Variants in USP6NL observed in about 807,000 individuals in gnomAD.
The protein encoded by USP6NL is USP6 N-terminal-like protein.
USP6NL carries 26 observed loss-of-function variants against 61.9 expected under a neutral mutation model. That is an observed-to-expected ratio of 0.42 (90% CI 0.31 to 0.58). The LOEUF (loss-of-function observed/expected upper bound fraction) is 0.58. Ranked by LOEUF, USP6NL falls within the 20% of genes least tolerant of loss-of-function variation. The pLI is 0.16. For synonymous variants in USP6NL, 432 were observed against 390.1 expected (o/e 1.11, Z -1.27); for missense variants, 1,114 against 1,034.3 (o/e 1.08, Z -1.06).
intron 6 of USP6NL, among the ~76,000 whole-genome samples, chr10:11,507,271 T>C (rs2133333468): frequency 6.6e-6 from 1 of 152,360 alleles, no homozygotes; most frequent in Admixed American, 6.5e-5. Context: ...CATTGAAATC[T>C]ACCCTGTAAT....
At position 11,490,939 on chromosome 10, in the gene USP6NL, C is replaced by A. The variant is rs781132953; in HGVS notation, c.495-59G>T. ...GTAATTTCACATATTTTAAAAATTA[C>A]AAACTTAAAAAAATAAACCAAAGAC... On this transcript the variant is annotated intron_variant, in intron 8 of 14. Coordinates refer to ENST00000609104, the MANE Select transcript of USP6NL (RefSeq NM_014688.5). This position sits in a 1 kb window ranked among gnomAD's most constrained non-coding sequence, Gnocchi z 4.5. 2 of 1,421,522 alleles carry A rather than the reference C, an allele frequency of 1.4e-6. No individual in the cohort carries two copies. The highest frequency in any genetic ancestry group is 1.9e-6 in the Non-Finnish European group (2 of 1,058,950). 88.1% of individuals were successfully genotyped at this position (1,421,522 alleles called of 1,614,324 possible).
chr10:11,538,688 T>C (rs531185952), intron 2 of USP6NL, among the ~76,000 whole-genome samples: 2 of 152,334 alleles, frequency 1.3e-5, no homozygotes, highest in Admixed American at 6.5e-5. Context: ...AGCTTTCTCT[T>C]ATATATTTAT....
chr10:11,605,599 C>T (rs1035728216), intron 1 of USP6NL, among the ~76,000 whole-genome samples: 2 of 152,092 alleles, frequency 1.3e-5, no homozygotes, highest in South Asian at 2.1e-4. Context: ...ACTGCATCCA[C>T]AGAAATATAT....
In USP6NL at chr10:11,476,921, A is replaced by C. The variant is rs1832989227; in HGVS notation, c.1078+4849T>G. Among the ~76,000 whole-genome samples the C allele has an allele frequency of 6.6e-6, 1 of 152,126 alleles. No individual in the cohort carries two copies. Among genetic ancestry groups the C allele is most frequent in the Non-Finnish European group, 1.5e-5 (1 of 68,006 alleles). On this transcript the variant is annotated intron_variant, in intron 14 of 14. Coordinates refer to ENST00000609104, the MANE Select transcript of USP6NL (RefSeq NM_014688.5). The surrounding 1 kb of genome is among the most constrained non-coding windows in gnomAD (Gnocchi z 4.3). ...GAGTCTTGCTCTGTCACCCAGGCTGAAGTGCAGTGGTGCGATCTTGACTCA... is the reference window on the plus strand; with the variant it reads ...GAGTCTTGCTCTGTCACCCAGGCTGCAGTGCAGTGGTGCGATCTTGACTCA...
Position 11,482,785 on chromosome 10 carries a change from A to G in USP6NL, c.926-863T>C, listed in dbSNP as rs1566123602. On this transcript the variant is annotated intron_variant, in intron 13 of 14. Coordinates refer to ENST00000609104, the MANE Select transcript of USP6NL (RefSeq NM_014688.5). This position sits in a 1 kb window ranked among gnomAD's most constrained non-coding sequence, Gnocchi z 4.0. ...TATTTTTAAGACAATCAGTAAGAAA[A>G]AAAAGAAAAAGGAAAAAATTTCTTA... Among the ~76,000 whole-genome samples the G allele has an allele frequency of 6.6e-6, 1 of 152,218 alleles. No individual in the cohort carries two copies. Among genetic ancestry groups the G allele is most frequent in the Non-Finnish European group, 1.5e-5 (1 of 68,034 alleles).
At chr10:11,607,107 C>T (rs1234730547) in intron 1 of USP6NL, among the ~76,000 whole-genome samples, 1 of 152,038 alleles carries the variant, frequency 6.6e-6, no homozygotes, top group Non-Finnish European at 1.5e-5. Flanking sequence ...TTTTTAAGCA[C>T]TACTGCAATC....
intron 5 of USP6NL, among the ~76,000 whole-genome samples, chr10:11,516,321 C>G (rs1421136598): frequency 6.6e-6 from 1 of 152,216 alleles, no homozygotes; most frequent in East Asian, 1.9e-4. Flanking sequence ...GAAATAAGAG[C>G]ATGCTTCAAG....
Position 11,485,091 on chromosome 10 carries a change from A to T in USP6NL, c.826-21T>A. 1 of 1,536,972 alleles carries T rather than the reference A, an allele frequency of 6.5e-7. No homozygotes were observed. Among genetic ancestry groups the T allele is most frequent in the South Asian group, 1.3e-5 (1 of 79,960 alleles). On this transcript the variant is annotated intron_variant, in intron 12 of 14. Coordinates refer to ENST00000609104, the MANE Select transcript of USP6NL (RefSeq NM_014688.5). This position sits in a 1 kb window ranked among gnomAD's most constrained non-coding sequence, Gnocchi z 4.8. The stretch of plus-strand genomic sequence containing the variant: ...GGAGTCTACAATTAAAAGCAAAACA[A>T]AACAAAAATAGGGTTAACAGCTTCC...
In USP6NL at chr10:11,462,433, G is replaced by A. The variant is rs764081449; in HGVS notation, c.*8C>T. On this transcript the variant is annotated 3_prime_UTR_variant, in exon 15 of 15. Coordinates refer to ENST00000609104, the MANE Select transcript of USP6NL (RefSeq NM_014688.5). ...TCTCTCTCGTCTTTAGCAAGTACAC[G>A]TCAAATCTCACAGCAACACTGACTC... 5 of 1,610,478 alleles carry A rather than the reference G, an allele frequency of 3.1e-6. No homozygotes were observed. The highest frequency in any genetic ancestry group is 4.5e-5 in the East Asian group (2 of 44,862).
chr10:11,572,914 A>G (rs151059390), intron 2 of USP6NL, among the ~76,000 whole-genome samples: 2 of 152,206 alleles, frequency 1.3e-5, no homozygotes, highest in African/African-American at 2.4e-5. Context: ...AGTAAAATAT[A>G]TAAGTATATC....
chr10:11,579,297 C>CA (rs1837660278), intron 2 of USP6NL, among the ~76,000 whole-genome samples: 1 of 152,144 alleles, frequency 6.6e-6, no homozygotes, highest in South Asian at 2.1e-4. Context: ...TCTTTCAAAC[C>CA]ACAAATTGAT....
intron 7 of USP6NL, among the ~76,000 whole-genome samples, chr10:11,498,389 A>G (rs1834037260): frequency 6.6e-6 from 1 of 151,292 alleles, no homozygotes; most frequent in South Asian, 2.1e-4. Context: ...GCAAGAGAGA[A>G]AAATAAAAAT....
At chr10:11,550,948 A>C (rs1218734227) in intron 2 of USP6NL, among the ~76,000 whole-genome samples, 3 of 152,142 alleles carry the variant, frequency 2.0e-5, no homozygotes, top group Non-Finnish European at 1.5e-5. Context: ...CTGAGGTACC[A>C]CTATGGTCAA....
intron 2 of USP6NL, among the ~76,000 whole-genome samples, chr10:11,569,667 G>C (rs1360837606): frequency 6.6e-6 from 1 of 152,184 alleles, no homozygotes; most frequent in Non-Finnish European, 1.5e-5. Flanking sequence ...CATCCAGATG[G>C]AGCAGCACAT....
intron 6 of USP6NL, among the ~76,000 whole-genome samples, chr10:11,509,174 G>C (rs561998766): frequency 9.3e-4 from 141 of 152,304 alleles, no homozygotes; most frequent in Non-Finnish European, 1.4e-3. Context: ...TGCTTTCAGA[G>C]GCCAGCCCTC....
At position 11,585,907 on chromosome 10, in the gene USP6NL, T is replaced by A. The variant is rs1003786348; in HGVS notation, c.4+11724A>T. On this transcript the variant is annotated intron_variant, in intron 2 of 14. Coordinates refer to ENST00000609104, the MANE Select transcript of USP6NL (RefSeq NM_014688.5). This position sits in a 1 kb window ranked among gnomAD's most constrained non-coding sequence, Gnocchi z 4.5. ...AATGATTCCACTTACATGAGGTACC[T>A]AGAGGTCAGAGGCCGGGAAGAGGAA... 2.6e-5 allele frequency among the ~76,000 whole-genome samples: 4 copies of A among 152,150 alleles called. No individual in the cohort carries two copies. Among genetic ancestry groups the A allele is most frequent in the African/African-American group, 9.7e-5 (4 of 41,430 alleles).
rs764479320 is a variant in USP6NL, at chr10:11,463,389, G to T, written c.1539C>A (p.Pro513=). Residue 513 remains proline, a synonymous_variant, in exon 15 of 15, where the codon CCC becomes CCA. Transcript: ENST00000609104. The surrounding 1 kb of genome is among the most constrained non-coding windows in gnomAD (Gnocchi z 6.3). ...TMEGKGRAAH[P]ALAVTVPGPA... The stretch of plus-strand genomic sequence containing the variant: ...GACCTGGGACGGTAACTGCGAGCGC[G>T]GGGTGCGCTGCTCGACCTTTGCCTT... 2 of 1,614,046 alleles carry T rather than the reference G, an allele frequency of 1.2e-6. No individual in the cohort carries two copies. The highest frequency in any genetic ancestry group is 1.7e-5 in the Admixed American group (1 of 60,032).
chr10:11,522,435 G>T (rs1455500716), intron 4 of USP6NL, among the ~76,000 whole-genome samples: 4 of 152,100 alleles, frequency 2.6e-5, no homozygotes, highest in African/African-American at 9.7e-5. Context: ...ATAAAACTCC[G>T]GTCTGTGGTG....
intron 1 of USP6NL, among the ~76,000 whole-genome samples, chr10:11,604,440 C>T (rs1435378893): frequency 6.6e-6 from 1 of 152,094 alleles, no homozygotes; most frequent in Non-Finnish European, 1.5e-5. Context: ...AAAAGAAAGT[C>T]AAAGAGACTA....
Sources: allele counts gnomAD v4.1 joint callset (sites outside exome capture counted in the v4.1 genomes callset), GRCh38; gene constraint gnomAD v4.1.1; non-coding constraint Gnocchi (gnomAD v3.1); transcripts MANE v1.5; gene names NCBI Gene and HGNC (gene_info 2026-07-23, HGNC 2026-07-21).